NBDY: variants seen among roughly 807,000 people sequenced by gnomAD.
NBDY encodes the protein negative regulator of P-body association.
intron 2 of NBDY, among the ~76,000 whole-genome samples, chrX:56,754,968 G>A (rs191437632): frequency 9.6e-4 from 107 of 111,449 alleles, no homozygotes; most frequent in African/African-American, 3.2e-3. Context: ...AAGTAAATCA[G>A]AAATGAGAAT....
At position 56,747,223 on chromosome X, in the gene NBDY, A is replaced by C. The variant is rs190534546; in HGVS notation, c.*166+15024A>C. On this transcript the variant is annotated intron_variant, in intron 2 of 2. Coordinates refer to ENST00000374922, the MANE Select transcript of NBDY (RefSeq NM_001348129.2). ...TTGTTTTATGTGCCAGGGTTACAAA[A>C]ATATAACATCTAACTCACCAAGGAG... 8.9e-5 allele frequency among the ~76,000 whole-genome samples: 10 copies of C among 112,205 alleles called. No individual in the cohort carries two copies. The East Asian group carries it at 2.5e-3, about 28-fold the overall frequency.
chrX:56,736,043 C>G (rs1412371975), intron 2 of NBDY, among the ~76,000 whole-genome samples: 1 of 110,408 alleles, frequency 9.1e-6, no homozygotes, highest in East Asian at 2.8e-4. Flanking sequence ...ACACATTTCT[C>G]GTTGCTTTAC....
At chrX:56,731,099 A>G (rs1363060851) in intron 1 of NBDY, among the ~76,000 whole-genome samples, 1 of 108,849 alleles carries the variant, frequency 9.2e-6, no homozygotes. Context: ...AGTTTTAGAC[A>G]TTGGGTTTGG....
chrX:56,804,310 A>G (rs1041765583), intron 2 of NBDY, among the ~76,000 whole-genome samples: 1 of 112,068 alleles, frequency 8.9e-6, no homozygotes, highest in African/African-American at 3.2e-5. Flanking sequence ...GGTGTCTGTC[A>G]GGATGAGACT....
intron 2 of NBDY, among the ~76,000 whole-genome samples, chrX:56,739,284 T>TTATA (rs58094616): frequency 1.5e-4 from 11 of 74,984 alleles, no homozygotes; most frequent in South Asian, 7.2e-4. Context: ...ATATATATTT[T>TTATA]TATATATATA....
chrX:56,816,854 A>G (rs2069913016), intron 2 of NBDY, among the ~76,000 whole-genome samples: 1 of 111,373 alleles, frequency 9.0e-6, no homozygotes, highest in Non-Finnish European at 1.9e-5. Flanking sequence ...TGTTTGAATT[A>G]TATACAGTTA....
At chrX:56,783,690 A>T (rs1416165277) in intron 2 of NBDY, among the ~76,000 whole-genome samples, 1 of 112,579 alleles carries the variant, frequency 8.9e-6, no homozygotes, top group Admixed American at 9.3e-5. Flanking sequence ...GCAGAAGGCA[A>T]GTGTCCCTGC....
chrX:56,788,129 G>A (rs775041278), intron 2 of NBDY, among the ~76,000 whole-genome samples: 15 of 112,626 alleles, frequency 1.3e-4, no homozygotes, highest in South Asian at 7.4e-4. Context: ...TAGCATTCCC[G>A]CAGGGTCTCC....
chrX:56,816,123 T>G (rs1036222109), intron 2 of NBDY, among the ~76,000 whole-genome samples: 1 of 111,488 alleles, frequency 9.0e-6, no homozygotes, highest in Non-Finnish European at 1.9e-5. Context: ...TGGATGCCAT[T>G]AATTCATAGA....
chrX:56,752,761 A>G (rs1275950337), intron 2 of NBDY, among the ~76,000 whole-genome samples: 1 of 110,675 alleles, frequency 9.0e-6, no homozygotes, highest in East Asian at 2.8e-4. Context: ...GGTGCACACC[A>G]CTATGCCCAG....
At chrX:56,729,619 G>A (rs1255175115) in intron 1 of NBDY, 30 bp downstream of exon 1, 1 of 295,096 alleles carries the variant, frequency 3.4e-6, no homozygotes, top group East Asian at 4.8e-5. Flanking sequence ...AGGACATCTA[G>A]GCTCTTTGAA....
chrX:56,755,905 T>C (rs1303348512), intron 2 of NBDY, among the ~76,000 whole-genome samples: 2 of 104,213 alleles, frequency 1.9e-5, no homozygotes, highest in Non-Finnish European at 3.9e-5. Flanking sequence ...TGTCCAACAA[T>C]GATAGACTGG....
intron 2 of NBDY, among the ~76,000 whole-genome samples, chrX:56,733,278 A>G (rs2069469294): frequency 9.1e-6 from 1 of 109,873 alleles, no homozygotes; most frequent in Non-Finnish European, 1.9e-5. Context: ...CATTATTCCC[A>G]TTCTAGTTTA....
intron 2 of NBDY, among the ~76,000 whole-genome samples, chrX:56,737,841 A>G (rs2069505096): frequency 8.9e-6 from 1 of 111,936 alleles, no homozygotes; most frequent in Non-Finnish European, 1.9e-5. Context: ...ACCCAGATTC[A>G]CCAATTAACA....
intron 2 of NBDY, among the ~76,000 whole-genome samples, chrX:56,810,059 T>G (rs1455037009): frequency 1.4e-5 from 1 of 70,024 alleles, no homozygotes; most frequent in Non-Finnish European, 3.5e-5. Context: ...ATTCTTTTCT[T>G]TAAGAATGTT....
chrX:56,738,380 A>G (rs1196169734), intron 2 of NBDY, among the ~76,000 whole-genome samples: 2 of 112,101 alleles, frequency 1.8e-5, no homozygotes, highest in East Asian at 2.8e-4. Flanking sequence ...CAAGTAAACA[A>G]TTCTGCAGTG....
intron 2 of NBDY, among the ~76,000 whole-genome samples, chrX:56,783,072 C>G (rs1305857462): frequency 1.8e-5 from 2 of 112,844 alleles, no homozygotes; most frequent in Non-Finnish European, 3.7e-5. Context: ...ACACCTCAGG[C>G]ACGAAACTGC....
At chrX:56,765,874 C>G (rs915689698) in intron 2 of NBDY, among the ~76,000 whole-genome samples, 2 of 109,564 alleles carry the variant, frequency 1.8e-5, no homozygotes, top group African/African-American at 6.7e-5. Context: ...TCTGTTTTTC[C>G]TTTCACTTGC....
chrX:56,790,580 A>G (rs2146732756), intron 2 of NBDY, among the ~76,000 whole-genome samples: 1 of 112,655 alleles, frequency 8.9e-6, no homozygotes, highest in Non-Finnish European at 1.9e-5. Context: ...GTACAATGGG[A>G]GAAGAAAAGA....
Sources: gnomAD v4.1 joint callset for allele counts (sites outside exome capture counted in the v4.1 genomes callset) on GRCh38, gnomAD v4.1.1 for gene constraint, MANE v1.5 for transcripts, NCBI Gene and HGNC (gene_info 2026-07-23, HGNC 2026-07-21) for gene names.